DTNB: variants seen among roughly 807,000 people sequenced by gnomAD.
DTNB encodes the protein dystrobrevin beta, also known as DTN-B.
A neutral mutation model predicts 90.7 loss-of-function variants in DTNB; 63 were observed. That is an observed-to-expected ratio of 0.69 (90% confidence interval 0.57 to 0.86). The LOEUF (loss-of-function observed/expected upper bound fraction) is 0.86, where lower values mean the gene tolerates loss of function less well. DTNB is among the 40% of genes least tolerant of loss of function. The pLI, the probability that DTNB is intolerant of heterozygous loss-of-function variation, is 0.00. For synonymous variants in DTNB, 277 were observed against 286.7 expected (o/e 0.97, Z 0.34); for missense variants, 744 against 807.1 (o/e 0.92, Z 0.95).
At chr2:25,631,124 T>C (rs780167630) in intron 3 of DTNB, among the ~76,000 whole-genome samples, 16 of 152,156 alleles carry the variant, frequency 1.1e-4, no homozygotes, top group Non-Finnish European at 2.1e-4. Context: ...TAGAATTAGA[T>C]AATGATGATG....
intron 3 of DTNB, among the ~76,000 whole-genome samples, chr2:25,630,875 A>C (rs1481172056): frequency 1.3e-5 from 2 of 149,420 alleles, no homozygotes; most frequent in African/African-American, 4.9e-5. Flanking sequence ...AAAGGGGATG[A>C]AGTGCTGATG....
chr2:25,568,340 CAATT>C (rs553068036), intron 8 of DTNB, among the ~76,000 whole-genome samples: 5 of 151,646 alleles, frequency 3.3e-5, no homozygotes, highest in African/African-American at 7.3e-5. Flanking sequence ...TTTTACCACA[CAATT>C]AATAGGAGCT....
chr2:25,656,198 T>C (rs1181658586), intron 1 of DTNB, among the ~76,000 whole-genome samples: 3 of 152,336 alleles, frequency 2.0e-5, no homozygotes, highest in Admixed American at 1.3e-4. Context: ...AGCAATCTTA[T>C]AATTCAGGGT....
chr2:25,582,074 A>G (rs1184022262), intron 6 of DTNB, among the ~76,000 whole-genome samples: 1 of 152,262 alleles, frequency 6.6e-6, no homozygotes. Flanking sequence ...TTCCCCATAA[A>G]ATGTTTAAAT....
In DTNB at chr2:25,385,066, C is replaced by T. The variant is rs566027188; in HGVS notation, c.1826-1177G>A. Among the ~76,000 whole-genome samples the T allele has an allele frequency of 1.1e-4, 16 of 151,718 alleles. No homozygotes were observed. The South Asian group carries it at 1.9e-3, about 18-fold the overall frequency. ...GCTAATTTTGTATTTTTAGTAGAGA[C>T]GGGGTTTCATCATGTTGGTCAGGCT... On this transcript the variant is annotated intron_variant, in intron 18 of 20. Coordinates refer to ENST00000406818, the MANE Select transcript of DTNB (RefSeq NM_021907.5).
At chr2:25,591,346 C>T in intron 6 of DTNB, among the ~76,000 whole-genome samples, 1 of 152,220 alleles carries the variant, frequency 6.6e-6, no homozygotes. Flanking sequence ...CTGGCTCCCA[C>T]CAGCTCTATG....
At chr2:25,630,995 C>T (rs1023462087) in intron 3 of DTNB, among the ~76,000 whole-genome samples, 1 of 151,096 alleles carries the variant, frequency 6.6e-6, no homozygotes, top group African/African-American at 2.4e-5. Flanking sequence ...ATGAAATGTC[C>T]ACATAGGCAA....
At chr2:25,632,192 CAAAAAAA>C in intron 3 of DTNB, among the ~76,000 whole-genome samples, 2 of 76,872 alleles carry the variant, frequency 2.6e-5, no homozygotes, top group South Asian at 5.3e-4. Context: ...GACTCTGTCT[CAAAAAAA>C]AAAAAAAAAA....
chr2:25,617,970 T>G (rs1183354961), intron 4 of DTNB, among the ~76,000 whole-genome samples: 1 of 152,182 alleles, frequency 6.6e-6, no homozygotes, highest in African/African-American at 2.4e-5. Context: ...ATAAAATTAA[T>G]GAAGGGGTAG....
intron 9 of DTNB, among the ~76,000 whole-genome samples, chr2:25,530,946 C>A (rs1179912807): frequency 2.0e-5 from 3 of 152,196 alleles, no homozygotes; most frequent in African/African-American, 7.2e-5. Flanking sequence ...TTGTTCTCCT[C>A]TAGCTTTGCT....
chr2:25,424,886 T>G lies in DTNB; in HGVS notation c.1554+2649A>C, dbSNP rs2051010407. The stretch of plus-strand genomic sequence containing the variant: ...TTTTGCCATGTCAGCCAGGCTGAAC[T>G]CCTGGCCTCAAGTGATCCACCCATC... On this transcript the variant is annotated intron_variant, in intron 15 of 20. Coordinates refer to ENST00000406818, the MANE Select transcript of DTNB (RefSeq NM_021907.5). This position sits in a 1 kb window ranked among gnomAD's most constrained non-coding sequence, Gnocchi z 4.1. Among the ~76,000 whole-genome samples, 1 of 152,186 alleles carries G rather than the reference T, an allele frequency of 6.6e-6. No individual in the cohort carries two copies. The highest frequency in any genetic ancestry group is 6.5e-5 in the Admixed American group (1 of 15,282).
chr2:25,556,235 T>C (rs967562074), intron 8 of DTNB, among the ~76,000 whole-genome samples: 18 of 142,514 alleles, frequency 1.3e-4, no homozygotes, highest in African/African-American at 4.1e-4. Flanking sequence ...GATACTCTCC[T>C]ACAAAAATCC....
At chr2:25,560,813 C>T (rs1187233863) in intron 8 of DTNB, among the ~76,000 whole-genome samples, 1 of 152,178 alleles carries the variant, frequency 6.6e-6, no homozygotes, top group Non-Finnish European at 1.5e-5. Context: ...TGTGGCTCTG[C>T]TGACACTTCG....
intron 1 of DTNB, among the ~76,000 whole-genome samples, chr2:25,667,357 C>T (rs971210567): frequency 4.6e-5 from 7 of 151,798 alleles, no homozygotes; most frequent in African/African-American, 1.7e-4. Context: ...GGCGTGGTGG[C>T]GGGTGCCTAT....
chr2:25,567,973 A>G (rs1238849475), intron 8 of DTNB, among the ~76,000 whole-genome samples: 1 of 152,176 alleles, frequency 6.6e-6, no homozygotes, highest in Admixed American at 6.5e-5. Flanking sequence ...ATCCTGGCCA[A>G]CATGGTGAAA....
chr2:25,488,547 A>G (rs1339371643), intron 9 of DTNB, among the ~76,000 whole-genome samples: 1 of 152,266 alleles, frequency 6.6e-6, no homozygotes, highest in Non-Finnish European at 1.5e-5. Flanking sequence ...AGTTGAAAAT[A>G]GGAGAACAGA....
chr2:25,470,369 AT>A (rs71397496), intron 10 of DTNB, among the ~76,000 whole-genome samples: 1,482 of 132,760 alleles, frequency 0.011, 9 homozygotes, highest in African/African-American at 0.03. Context: ...TTACACGACA[AT>A]TTTTTTTTTT....
intron 19 of DTNB, among the ~76,000 whole-genome samples, chr2:25,382,671 G>A (rs1417777507): frequency 2.0e-5 from 3 of 151,770 alleles, no homozygotes; most frequent in Non-Finnish European, 4.4e-5. Flanking sequence ...TGCGATTACA[G>A]GCATGCACCA....
chr2:25,470,955 A>C (rs2062685870), intron 10 of DTNB, among the ~76,000 whole-genome samples: 1 of 152,014 alleles, frequency 6.6e-6, no homozygotes, highest in Non-Finnish European at 1.5e-5. Context: ...ATGTAAGGAC[A>C]CTCCCCATCT....
Sources: gnomAD v4.1 joint callset for allele counts (sites outside exome capture counted in the v4.1 genomes callset) on GRCh38, gnomAD v4.1.1 for gene constraint, Gnocchi (gnomAD v3.1) non-coding constraint, MANE v1.5 for transcripts, NCBI Gene and HGNC (gene_info 2026-07-23, HGNC 2026-07-21) for gene names.